The following TIGAR variants were observed in gnomAD, a reference collection of about 807,000 sequenced individuals.
TIGAR encodes the protein fructose-2,6-bisphosphatase TIGAR.
A neutral mutation model predicts 17.9 loss-of-function variants in TIGAR; 7 were observed. The observed-to-expected ratio is 0.39, with a 90% CI of 0.22 to 0.73. The LOEUF (loss-of-function observed/expected upper bound fraction) is 0.73. Among genes scored for constraint, TIGAR ranks in the 30% least tolerant of loss-of-function variants. The probability of loss-of-function intolerance (pLI) is 0.42; values close to 1 mark genes in which losing one functional copy is unlikely to be tolerated. For missense variants in TIGAR, 258 were observed against 327.4 expected (o/e 0.79, Z 1.64); for synonymous variants, 94 against 108.6 (o/e 0.87, Z 0.84).
chr12:4,327,973 T>A (rs1256886086), intron 1 of TIGAR, among the ~76,000 whole-genome samples: 1 of 152,028 alleles, frequency 6.6e-6, no homozygotes, highest in African/African-American at 2.4e-5. Flanking sequence ...GCCGAGGATG[T>A]TACTTATATT....
chr12:4,342,761 A>C (rs941645567), intron 3 of TIGAR, among the ~76,000 whole-genome samples: 7 of 152,340 alleles, frequency 4.6e-5, no homozygotes, highest in Non-Finnish European at 8.8e-5. Flanking sequence ...AGGAACAACC[A>C]GTACCAGCCA....
In TIGAR at chr12:4,359,936, G is replaced by A. The variant is rs73050250; in HGVS notation, c.*7245G>A. On this transcript the variant is annotated 3_prime_UTR_variant, in exon 6 of 6. Transcript: ENST00000179259. ...TAGTATATCCCTGCAATTTTAACTG[G>A]TGATATGGAATGCTTTTTAATGTAC... is the stretch of plus-strand genomic sequence containing the variant. Among the ~76,000 whole-genome samples the A allele has an allele frequency of 0.25, 38,470 of 151,998 alleles. 5,256 individuals carry two copies. Among genetic ancestry groups the A allele is most frequent in the African/African-American group, 0.37 (15,374 of 41,432 alleles).
At chr12:4,326,955 G>A (rs1047863576) in intron 1 of TIGAR, among the ~76,000 whole-genome samples, 3 of 152,044 alleles carry the variant, frequency 2.0e-5, no homozygotes, top group African/African-American at 7.2e-5. Flanking sequence ...GGCTTTGGCT[G>A]GAAATTGTGT....
chr12:4,334,120 T>A (rs1327551022), intron 2 of TIGAR, among the ~76,000 whole-genome samples: 1 of 152,204 alleles, frequency 6.6e-6, no homozygotes, highest in Admixed American at 6.5e-5. Context: ...TCCATTCTTT[T>A]CAAGGTTATC....
In TIGAR at chr12:4,331,333, T is replaced by C. The variant is rs1864601753; in HGVS notation, c.70+16T>C. On this transcript the variant is annotated intron_variant, in intron 2 of 5. Coordinates refer to ENST00000179259, the MANE Select transcript of TIGAR (RefSeq NM_020375.3). ...ATAATCCAAGGTTGGTATAATCCGA[T>C]TGTTATTTTAGCTCTCACCCTTGTG... The C allele has an allele frequency of 1.2e-6, 2 of 1,606,260 alleles. No homozygotes were observed. Among genetic ancestry groups the C allele is most frequent in the Non-Finnish European group, 1.7e-6 (2 of 1,172,884 alleles).
At chr12:4,327,396 G>A (rs1864556386) in intron 1 of TIGAR, among the ~76,000 whole-genome samples, 1 of 149,296 alleles carries the variant, frequency 6.7e-6, no homozygotes, top group African/African-American at 2.5e-5. Flanking sequence ...GCTGCAGAGT[G>A]AGACCCCATC....
intron 3 of TIGAR, among the ~76,000 whole-genome samples, chr12:4,340,221 G>A (rs1242635377): frequency 6.6e-6 from 1 of 152,220 alleles, no homozygotes; most frequent in Non-Finnish European, 1.5e-5. Context: ...GTTGCAGGAT[G>A]CAAAGCAAGA....
At chr12:4,343,263 C>G (rs542869915) in intron 3 of TIGAR, among the ~76,000 whole-genome samples, 1 of 152,224 alleles carries the variant, frequency 6.6e-6, no homozygotes, top group East Asian at 1.9e-4. Context: ...AAAGAGACTT[C>G]AACTCCCACA....
chr12:4,325,366 A>G (rs1279192267), intron 1 of TIGAR, among the ~76,000 whole-genome samples: 3 of 152,240 alleles, frequency 2.0e-5, no homozygotes, highest in Non-Finnish European at 4.4e-5. Context: ...CTATTAGCTC[A>G]TCTGTAATTT....
chr12:4,359,279 G>A lies in TIGAR; in HGVS notation c.*6588G>A, dbSNP rs1864949365. 6.6e-6 allele frequency among the ~76,000 whole-genome samples: 1 copy of A among 151,968 alleles called. No homozygotes were observed. On this transcript the variant is annotated 3_prime_UTR_variant, in exon 6 of 6. Coordinates refer to ENST00000179259, the MANE Select transcript of TIGAR (RefSeq NM_020375.3). ...AATACAGTACTCTTATTATTTTATG[G>A]TTACACAGTCCCAACTTTGTCCTGT...
rs966091632 is a variant in TIGAR at position 4,337,529 on chromosome 12, A to G, written c.192+369A>G. Among the ~76,000 whole-genome samples, 5 of 152,242 alleles carry G rather than the reference A, an allele frequency of 3.3e-5. No individual in the cohort carries two copies. In the East Asian group the frequency reaches 9.6e-4, roughly 29 times the overall value. On this transcript the variant is annotated intron_variant, in intron 3 of 5. Coordinates refer to ENST00000179259, the MANE Select transcript of TIGAR (RefSeq NM_020375.3). ...CTCAACAATTGTATAATCTTGAAAAATCTGCTACCAGAGTCTGTAGGGAAT... is the reference window on the plus strand; with the variant it reads ...CTCAACAATTGTATAATCTTGAAAAGTCTGCTACCAGAGTCTGTAGGGAAT...
chr12:4,347,803 GATA>G (rs961577903), intron 3 of TIGAR, among the ~76,000 whole-genome samples: 5 of 152,126 alleles, frequency 3.3e-5, no homozygotes, highest in African/African-American at 9.7e-5. Flanking sequence ...ATAAATATAT[GATA>G]ATAACCTAAA....
At chr12:4,339,923 C>T (rs1305382143) in intron 3 of TIGAR, among the ~76,000 whole-genome samples, 5 of 152,204 alleles carry the variant, frequency 3.3e-5, no homozygotes, top group Admixed American at 6.5e-5. Context: ...AGCCTCAACA[C>T]AATAAAAGCC....
intron 2 of TIGAR, among the ~76,000 whole-genome samples, chr12:4,332,965 C>T (rs1468970838): frequency 6.6e-6 from 1 of 152,148 alleles, no homozygotes; most frequent in Non-Finnish European, 1.5e-5. Context: ...ACTTGGAATT[C>T]TATCCATTTT....
chr12:4,348,576 G>A lies in TIGAR; in HGVS notation c.193-1243G>A, dbSNP rs576876878. The stretch of plus-strand genomic sequence containing the variant: ...ATGACATTTCAGACAAAGAGATTCT[G>A]AAGTAACTTTGAAAGGAAAAATGAA... On this transcript the variant is annotated intron_variant, in intron 3 of 5. Transcript: ENST00000179259. 4.1e-4 allele frequency among the ~76,000 whole-genome samples: 63 copies of A among 152,244 alleles called. No homozygotes were observed. In the South Asian group the frequency reaches 0.013, roughly 31 times the overall value.
intron 1 of TIGAR, chr12:4,324,620 T>C: frequency 1.3e-6 from 2 of 1,534,982 alleles, no homozygotes; most frequent in Non-Finnish European, 8.9e-7. Flanking sequence ...GCCTCCTTCT[T>C]GGCCTTGCGC....
In TIGAR at chr12:4,358,339, G is replaced by A. The variant is rs1196010722; in HGVS notation, c.*5648G>A. 6.6e-6 allele frequency among the ~76,000 whole-genome samples: 1 copy of A among 151,352 alleles called. No homozygotes were observed. Among genetic ancestry groups the A allele is most frequent in the Non-Finnish European group, 1.5e-5 (1 of 67,894 alleles). On this transcript the variant is annotated 3_prime_UTR_variant, in exon 6 of 6. Transcript: ENST00000179259. ...ATCACTGAGCTACTGTATCCTCATA[G>A]AGAATAATTACAGTAATGTGTATGT...
chr12:4,358,755 A>C lies in TIGAR; in HGVS notation c.*6064A>C, dbSNP rs12823931. Reference sequence around the variant, plus strand: ...TTTTTTTTTCTGAATCAAGAATCCAATCAATCCAGGACTGTGTGTTGTGTT... The same window carrying C: ...TTTTTTTTTCTGAATCAAGAATCCACTCAATCCAGGACTGTGTGTTGTGTT... On this transcript the variant is annotated 3_prime_UTR_variant, in exon 6 of 6. Coordinates refer to ENST00000179259, the MANE Select transcript of TIGAR (RefSeq NM_020375.3). Among the ~76,000 whole-genome samples the C allele has an allele frequency of 6.6e-6, 1 of 151,002 alleles. No individual in the cohort carries two copies. Among genetic ancestry groups the C allele is most frequent in the Non-Finnish European group, 1.5e-5 (1 of 67,738 alleles).
At chr12:4,343,150 A>G (rs906064594) in intron 3 of TIGAR, among the ~76,000 whole-genome samples, 4 of 152,232 alleles carry the variant, frequency 2.6e-5, no homozygotes, top group Admixed American at 1.3e-4. Flanking sequence ...CCATTACATA[A>G]TGGTAAAGGG....
Sources: gnomAD v4.1 joint callset for allele counts (sites outside exome capture counted in the v4.1 genomes callset) on GRCh38, gnomAD v4.1.1 for gene constraint, MANE v1.5 for transcripts, NCBI Gene and HGNC (gene_info 2026-07-23, HGNC 2026-07-21) for gene names.